FSHR: variants seen among roughly 807,000 people sequenced by gnomAD.
The protein encoded by FSHR is follicle stimulating hormone receptor.
A neutral mutation model predicts 52.1 loss-of-function variants in FSHR; 46 were observed. The ratio of observed to expected loss-of-function variants is 0.88; its 90% CI spans 0.70 to 1.13. The LOEUF (loss-of-function observed/expected upper bound fraction) is 1.13, where lower values mean the gene tolerates loss of function less well. Ranked by LOEUF, FSHR falls within the 50% of genes most tolerant of loss-of-function variation. The pLI is 0.00. For missense variants in FSHR, 964 were observed against 834.6 expected (o/e 1.16, Z -1.91); for synonymous variants, 399 against 309.6 (o/e 1.29, Z -3.03).
At chr2:49,131,765 A>G (rs776321549) in intron 1 of FSHR, among the ~76,000 whole-genome samples, 2 of 152,164 alleles carry the variant, frequency 1.3e-5, no homozygotes, top group East Asian at 1.9e-4. Flanking sequence ...AACAAGAACA[A>G]TTTCTTTGAT....
intron 2 of FSHR, among the ~76,000 whole-genome samples, chr2:49,064,583 T>C (rs993895094): frequency 1.3e-5 from 2 of 152,128 alleles, no homozygotes; most frequent in Non-Finnish European, 2.9e-5. Flanking sequence ...GTAAATTATC[T>C]AGTCTGCAGT....
At chr2:49,014,629 C>A in intron 4 of FSHR, 2 of 267,270 alleles carry the variant, frequency 7.5e-6, no homozygotes, top group South Asian at 7.4e-5. Flanking sequence ...AGATGTGGGT[C>A]AATGATGAGG....
intron 1 of FSHR, among the ~76,000 whole-genome samples, chr2:49,102,850 G>A (rs186039700): frequency 8.2e-6 from 1 of 121,678 alleles, no homozygotes; most frequent in Non-Finnish European, 1.8e-5. Context: ...TTCTGCCACG[G>A]TTTGTTATTC....
chr2:49,073,454 A>G (rs1438292274), intron 1 of FSHR, among the ~76,000 whole-genome samples: 1 of 152,036 alleles, frequency 6.6e-6, no homozygotes, highest in Non-Finnish European at 1.5e-5. Flanking sequence ...CCTCATTTAC[A>G]ATAGCTACAA....
At chr2:49,116,432 C>T (rs569011450) in intron 1 of FSHR, among the ~76,000 whole-genome samples, 1 of 152,212 alleles carries the variant, frequency 6.6e-6, no homozygotes, top group East Asian at 1.9e-4. Context: ...GAGTTTTAGT[C>T]TTTGTTAGGC....
chr2:48,979,284 CA>C (rs374207026), intron 8 of FSHR, among the ~76,000 whole-genome samples: 2 of 151,592 alleles, frequency 1.3e-5, no homozygotes, highest in Admixed American at 6.6e-5. Context: ...GTCTCTGCAA[CA>C]AAAAAAATGG....
intron 4 of FSHR, among the ~76,000 whole-genome samples, chr2:49,002,366 T>C (rs1339588677): frequency 6.6e-6 from 1 of 152,112 alleles, no homozygotes; most frequent in Non-Finnish European, 1.5e-5. Context: ...CAGCTATTTT[T>C]TTCTCCATTT....
chr2:49,048,688 A>G (rs1485712901), intron 2 of FSHR, among the ~76,000 whole-genome samples: 4 of 152,286 alleles, frequency 2.6e-5, no homozygotes, highest in Admixed American at 6.5e-5. Context: ...TGCTTCATTC[A>G]TTTAGGCTTC....
intron 2 of FSHR, among the ~76,000 whole-genome samples, chr2:49,022,659 G>T (rs962602658): frequency 6.6e-5 from 10 of 152,028 alleles, no homozygotes; most frequent in African/African-American, 2.4e-4. Context: ...TGACAGAAGG[G>T]CTCACACACT....
At chr2:49,100,758 A>G (rs1340016727) in intron 1 of FSHR, among the ~76,000 whole-genome samples, 3 of 152,324 alleles carry the variant, frequency 2.0e-5, no homozygotes, top group East Asian at 3.9e-4. Context: ...AATCTAAATC[A>G]TTATTATTCT....
chr2:48,970,506 A>G (rs768395372), intron 8 of FSHR, among the ~76,000 whole-genome samples: 1 of 150,694 alleles, frequency 6.6e-6, no homozygotes, highest in Non-Finnish European at 1.5e-5. Context: ...CTTCTTTCTG[A>G]TGCTTTTGTT....
intron 2 of FSHR, among the ~76,000 whole-genome samples, chr2:49,021,886 TAGAGAGAGAGAGAGAG>T (rs58926557): frequency 1.6e-4 from 4 of 25,124 alleles, no homozygotes; most frequent in Admixed American, 5.5e-4. Flanking sequence ...TATATATATA[TAGAGAGAGAGAGAGAG>T]AGAGAGAGAG....
intron 1 of FSHR, among the ~76,000 whole-genome samples, chr2:49,098,948 A>ACACACACACATCC (rs1489801882): frequency 6.6e-6 from 1 of 150,388 alleles, no homozygotes; most frequent in Non-Finnish European, 1.5e-5. Context: ...ACACACACAC[A>ACACACACACATCC]CACACACATC....
chr2:49,088,737 G>T (rs1451869546), intron 1 of FSHR, among the ~76,000 whole-genome samples: 1 of 152,136 alleles, frequency 6.6e-6, no homozygotes, highest in Non-Finnish European at 1.5e-5. Flanking sequence ...CTTAGATATA[G>T]GAGGATTAAC....
chr2:49,101,796 C>T (rs916510199), intron 1 of FSHR, among the ~76,000 whole-genome samples: 1 of 152,120 alleles, frequency 6.6e-6, no homozygotes, highest in Non-Finnish European at 1.5e-5. Context: ...TTTATGGGGT[C>T]TGAGAAGTCC....
At chr2:49,027,706 C>G (rs531601512) in intron 2 of FSHR, among the ~76,000 whole-genome samples, 2 of 152,140 alleles carry the variant, frequency 1.3e-5, no homozygotes, top group African/African-American at 4.8e-5. Flanking sequence ...AAAAACTAGA[C>G]AGGTTTGGTG....
intron 1 of FSHR, among the ~76,000 whole-genome samples, chr2:49,127,953 C>T (rs184913797): frequency 1.1e-3 from 152 of 142,788 alleles, no homozygotes; most frequent in Non-Finnish European, 1.7e-3. Flanking sequence ...AGTGCAGTGG[C>T]GCAATCTCCA....
At chr2:49,083,600 A>G (rs1368389925) in intron 1 of FSHR, among the ~76,000 whole-genome samples, 1 of 149,092 alleles carries the variant, frequency 6.7e-6, no homozygotes, top group African/African-American at 2.5e-5. Flanking sequence ...CAGGAAACCC[A>G]TCTCACGTGC....
At chr2:49,055,531 C>CAAAAAAAAAAAAAAAAAA (rs75665223) in intron 2 of FSHR, among the ~76,000 whole-genome samples, 7 of 51,142 alleles carry the variant, frequency 1.4e-4, no homozygotes, top group East Asian at 9.7e-4. Context: ...CCAGGAAGCT[C>CAAAAAAAAAAAAAAAAAA]AAAAAAAAAA....
Sources: gnomAD v4.1 joint callset for allele counts (sites outside exome capture counted in the v4.1 genomes callset) on GRCh38, gnomAD v4.1.1 for gene constraint, MANE v1.5 for transcripts, NCBI Gene and HGNC (gene_info 2026-07-23, HGNC 2026-07-21) for gene names.